Variants in ST6GALNAC5 observed in about 807,000 individuals in gnomAD.
ST6GALNAC5 encodes the protein alpha-N-acetylgalactosaminide alpha-2,6-sialyltransferase 5.
In ST6GALNAC5, 27 loss-of-function variants were observed where a neutral mutation model predicts 33.6. The observed-to-expected ratio is 0.80, with a 90% CI of 0.59 to 1.11. ST6GALNAC5 has a LOEUF of 1.11. ST6GALNAC5 is among the 50% of genes least tolerant of loss of function. ST6GALNAC5 has a pLI of 0.00. For synonymous variants in ST6GALNAC5, 194 were observed against 171.2 expected (o/e 1.13, Z -1.04); for missense variants, 428 against 454.0 (o/e 0.94, Z 0.52).
chr1:76,904,391 G>C (rs949704719), intron 2 of ST6GALNAC5, among the ~76,000 whole-genome samples: 2 of 152,162 alleles, frequency 1.3e-5, no homozygotes, highest in African/African-American at 4.8e-5. Flanking sequence ...TAGCAACACA[G>C]TTTATTAGCC....
In ST6GALNAC5 at chr1:77,005,576, G is replaced by T. The variant is rs377386969; in HGVS notation, c.262-38628G>T. ...TATTATAAAATGTATCACTTTAATTGTTTTTAAGTGTACAATTCAGTGGCA... is the reference window on the plus strand; with the variant it reads ...TATTATAAAATGTATCACTTTAATTTTTTTTAAGTGTACAATTCAGTGGCA... On this transcript the variant is annotated intron_variant, in intron 2 of 4. Coordinates refer to ENST00000477717, the MANE Select transcript of ST6GALNAC5 (RefSeq NM_030965.3). Among the ~76,000 whole-genome samples, 463 of 152,286 alleles carry T rather than the reference G, an allele frequency of 3.0e-3. 3 individuals carry two copies. Among genetic ancestry groups the T allele is most frequent in the African/African-American group, 0.011 (445 of 41,558 alleles).
intron 2 of ST6GALNAC5, among the ~76,000 whole-genome samples, chr1:77,001,561 G>C (rs1330795163): frequency 1.3e-5 from 2 of 150,352 alleles, no homozygotes; most frequent in Non-Finnish European, 3.0e-5. Context: ...GGGCATCCCT[G>C]TCTTGTGCCA....
At chr1:77,036,708 A>T (rs1396596190) in intron 2 of ST6GALNAC5, among the ~76,000 whole-genome samples, 1 of 152,272 alleles carries the variant, frequency 6.6e-6, no homozygotes, top group East Asian at 1.9e-4. Flanking sequence ...TACATGGCTT[A>T]TCATTCACTT....
intron 2 of ST6GALNAC5, 114 bp from the exon 3 acceptor site, chr1:77,044,090 G>A: frequency 8.7e-7 from 1 of 1,152,486 alleles, no homozygotes; most frequent in Non-Finnish European, 1.2e-6. Flanking sequence ...TGACATGATG[G>A]GGAGGAGAGA....
At chr1:76,976,181 G>A (rs1380759416) in intron 2 of ST6GALNAC5, among the ~76,000 whole-genome samples, 3 of 151,962 alleles carry the variant, frequency 2.0e-5, no homozygotes, top group African/African-American at 7.2e-5. Context: ...GGACTTCCAG[G>A]GTGCTGATAT....
intron 2 of ST6GALNAC5, among the ~76,000 whole-genome samples, chr1:76,993,563 C>T (rs57977974): frequency 5.9e-4 from 90 of 152,286 alleles, no homozygotes; most frequent in African/African-American, 2.1e-3. Flanking sequence ...CCTATTTATA[C>T]TTTTCTTGTA....
chr1:76,957,822 A>G (rs1030543431), intron 2 of ST6GALNAC5, among the ~76,000 whole-genome samples: 1 of 152,130 alleles, frequency 6.6e-6, no homozygotes, highest in Non-Finnish European at 1.5e-5. Context: ...TTTTCTAAAA[A>G]CATTCTTTAT....
chr1:76,973,416 T>TTTATTATTATTA, intron 2 of ST6GALNAC5, among the ~76,000 whole-genome samples: 1 of 148,642 alleles, frequency 6.7e-6, no homozygotes, highest in Admixed American at 6.7e-5. Flanking sequence ...AGCAGTCAGG[T>TTTATTATTATTA]TTATTATTAT....
chr1:76,869,634 G>A (rs1522622), intron 2 of ST6GALNAC5, among the ~76,000 whole-genome samples: 74,835 of 151,970 alleles, frequency 0.49, 19,021 homozygotes, highest in African/African-American at 0.6. Context: ...ACTAAATTTT[G>A]TGGTTGTGAA....
chr1:77,037,912 A>G (rs73005309), intron 2 of ST6GALNAC5, among the ~76,000 whole-genome samples: 3,750 of 152,248 alleles, frequency 0.025, 79 homozygotes, highest in African/African-American at 0.061. Context: ...AGATCCTTGA[A>G]TTTGGGCTTG....
intron 2 of ST6GALNAC5, among the ~76,000 whole-genome samples, chr1:77,036,568 G>A (rs112460542): frequency 6.6e-6 from 1 of 152,314 alleles, no homozygotes; most frequent in Non-Finnish European, 1.5e-5. Context: ...CTGGGCTTTA[G>A]AAAATATTAT....
At chr1:76,897,986 G>A (rs553768795) in intron 2 of ST6GALNAC5, among the ~76,000 whole-genome samples, 7 of 152,314 alleles carry the variant, frequency 4.6e-5, no homozygotes, top group Admixed American at 1.3e-4. Context: ...AAAGCTCGGC[G>A]TCCATGATGG....
chr1:76,876,910 G>T (rs547613278), intron 2 of ST6GALNAC5, among the ~76,000 whole-genome samples: 2 of 152,284 alleles, frequency 1.3e-5, no homozygotes, highest in African/African-American at 4.8e-5. Flanking sequence ...GAGAAGGCAG[G>T]GTGGCAAGAA....
chr1:77,057,685 G>T (rs1439952299), intron 4 of ST6GALNAC5, among the ~76,000 whole-genome samples: 1 of 152,188 alleles, frequency 6.6e-6, no homozygotes, highest in African/African-American at 2.4e-5. Flanking sequence ...CGAGGGCAAA[G>T]AAATCTTTTA....
chr1:77,039,919 T>C (rs1399365844), intron 2 of ST6GALNAC5, among the ~76,000 whole-genome samples: 1 of 152,224 alleles, frequency 6.6e-6, no homozygotes, highest in Non-Finnish European at 1.5e-5. Flanking sequence ...CCTCCCTGTG[T>C]TCCACTTAGT....
chr1:77,026,976 T>TA lies in ST6GALNAC5; in HGVS notation c.262-17228_262-17227insA, dbSNP rs150823361. 5.2e-3 allele frequency among the ~76,000 whole-genome samples: 785 copies of TA among 152,342 alleles called. 10 individuals carry two copies. Among genetic ancestry groups the TA allele is most frequent in the African/African-American group, 0.018 (755 of 41,582 alleles). ...GTTTGGGTCATCAGCAGTCCAAGAA[T>TA]GTTTTCCCCAGTGTAGGTGCTCCCC... On this transcript the variant is annotated intron_variant, in intron 2 of 4. Coordinates refer to ENST00000477717, the MANE Select transcript of ST6GALNAC5 (RefSeq NM_030965.3).
intron 2 of ST6GALNAC5, among the ~76,000 whole-genome samples, chr1:76,974,773 CTTTTTTTTT>C (rs60357939): frequency 5.8e-3 from 204 of 35,262 alleles, no homozygotes; most frequent in Non-Finnish European, 8.2e-3. Flanking sequence ...TTCTTTCTTT[CTTTTTTTTT>C]TTTTTTTTTT....
At chr1:76,913,426 T>A (rs1184895396) in intron 2 of ST6GALNAC5, among the ~76,000 whole-genome samples, 1 of 151,852 alleles carries the variant, frequency 6.6e-6, no homozygotes, top group African/African-American at 2.4e-5. Flanking sequence ...GGAGTATCTT[T>A]GTGGCGTTCT....
chr1:76,966,010 C>G (rs1027023278), intron 2 of ST6GALNAC5, among the ~76,000 whole-genome samples: 5 of 152,136 alleles, frequency 3.3e-5, no homozygotes, highest in Non-Finnish European at 4.4e-5. Flanking sequence ...GTTACTGTAG[C>G]CTTGTAGTAG....
Sources: gnomAD v4.1 joint callset for allele counts (sites outside exome capture counted in the v4.1 genomes callset) on GRCh38, gnomAD v4.1.1 for gene constraint, MANE v1.5 for transcripts, NCBI Gene and HGNC (gene_info 2026-07-23, HGNC 2026-07-21) for gene names.